The following MEGF11 variants were observed in gnomAD, a reference collection of about 807,000 sequenced individuals.
MEGF11 encodes the protein multiple epidermal growth factor-like domains protein 11.
MEGF11 carries 126 observed loss-of-function variants against 146.6 expected under a neutral mutation model. The ratio of observed to expected loss-of-function variants is 0.86; its 90% CI spans 0.74 to 1.00. The LOEUF (loss-of-function observed/expected upper bound fraction) is 1.00. Ranked by LOEUF, MEGF11 falls within the 50% of genes least tolerant of loss-of-function variation. The pLI is 0.00. For synonymous variants in MEGF11, 532 were observed against 583.4 expected (o/e 0.91, Z 1.27); for missense variants, 1,509 against 1,521.2 (o/e 0.99, Z 0.13).
chr15:66,116,583 GT>G (rs1567249003), intron 4 of MEGF11, among the ~76,000 whole-genome samples: 1 of 152,160 alleles, frequency 6.6e-6, no homozygotes, highest in Non-Finnish European at 1.5e-5. Context: ...ATGTGGTAAC[GT>G]TACCATGCAA....
chr15:66,034,243 C>T (rs1365907624), intron 5 of MEGF11, among the ~76,000 whole-genome samples: 1 of 152,284 alleles, frequency 6.6e-6, no homozygotes, highest in Admixed American at 6.5e-5. Context: ...ATGAAATGTG[C>T]CTTGAGTCTC....
intron 10 of MEGF11, among the ~76,000 whole-genome samples, chr15:65,933,955 T>TA (rs745329222): frequency 1.3e-5 from 2 of 152,230 alleles, no homozygotes; most frequent in Non-Finnish European, 2.9e-5. Flanking sequence ...CTATACAAGC[T>TA]ATTAGTGCAA....
At chr15:66,035,788 C>A (rs974503531) in intron 5 of MEGF11, among the ~76,000 whole-genome samples, 1 of 152,254 alleles carries the variant, frequency 6.6e-6, no homozygotes, top group African/African-American at 2.4e-5. Flanking sequence ...TAACCAGCAT[C>A]CTGGATGTGA....
At chr15:66,079,661 C>G (rs1597061273) in intron 5 of MEGF11, among the ~76,000 whole-genome samples, 1 of 152,050 alleles carries the variant, frequency 6.6e-6, no homozygotes, top group Non-Finnish European at 1.5e-5. Context: ...AGGTTGGCCA[C>G]TCTCAGATTC....
At chr15:66,138,075 T>C (rs1297765788) in intron 1 of MEGF11, among the ~76,000 whole-genome samples, 1 of 152,156 alleles carries the variant, frequency 6.6e-6, no homozygotes, top group Non-Finnish European at 1.5e-5. Flanking sequence ...AAAATTTTTT[T>C]AACCACAATA....
At chr15:66,232,690 T>G (rs1442289649) in intron 1 of MEGF11, among the ~76,000 whole-genome samples, 1 of 152,080 alleles carries the variant, frequency 6.6e-6, no homozygotes, top group Non-Finnish European at 1.5e-5. Flanking sequence ...ACCTCCAGTC[T>G]CTGATTAGGG....
chr15:65,994,969 C>T (rs1045880746), intron 5 of MEGF11, among the ~76,000 whole-genome samples: 5 of 152,188 alleles, frequency 3.3e-5, no homozygotes, highest in Admixed American at 3.3e-4. Context: ...AGCTAGAGGT[C>T]ACATGAGATG....
intron 1 of MEGF11, among the ~76,000 whole-genome samples, chr15:66,218,888 G>T (rs888811302): frequency 6.9e-6 from 1 of 145,064 alleles, no homozygotes; most frequent in African/African-American, 2.6e-5. Context: ...TGAAGTGCCT[G>T]TTTACCACAC....
At chr15:66,066,031 C>T (rs1414595183) in intron 5 of MEGF11, among the ~76,000 whole-genome samples, 5 of 152,188 alleles carry the variant, frequency 3.3e-5, no homozygotes, top group Admixed American at 6.5e-5. Context: ...TCATCCATCT[C>T]CCAGTTCATA....
chr15:65,956,633 G>A (rs1040739780), intron 10 of MEGF11, among the ~76,000 whole-genome samples: 5 of 152,210 alleles, frequency 3.3e-5, no homozygotes, highest in Non-Finnish European at 7.3e-5. Flanking sequence ...ACCCCTGAGT[G>A]TTTGGCTCCT....
intron 1 of MEGF11, among the ~76,000 whole-genome samples, chr15:66,213,316 G>C (rs1157757825): frequency 6.6e-6 from 1 of 152,140 alleles, no homozygotes; most frequent in African/African-American, 2.4e-5. Context: ...AGGGGAAGCA[G>C]TGTGTCCCCG....
chr15:66,230,589 A>G (rs1178758187), intron 1 of MEGF11, among the ~76,000 whole-genome samples: 4 of 152,238 alleles, frequency 2.6e-5, no homozygotes, highest in Non-Finnish European at 1.5e-5. Context: ...GATGTCTTAC[A>G]TTTCTATAGC....
intron 5 of MEGF11, among the ~76,000 whole-genome samples, chr15:66,003,567 C>T (rs2082428667): frequency 6.6e-6 from 1 of 152,146 alleles, no homozygotes; most frequent in South Asian, 2.1e-4. Flanking sequence ...GTGGTGGCCA[C>T]AGACTGTTGT....
At chr15:66,119,613 C>T (rs1171402244) in intron 3 of MEGF11, among the ~76,000 whole-genome samples, 4 of 151,842 alleles carry the variant, frequency 2.6e-5, no homozygotes, top group Non-Finnish European at 5.9e-5. Context: ...CCAGACTGCT[C>T]ACAGCCCCCT....
At chr15:66,187,980 C>A (rs2090756997) in intron 1 of MEGF11, among the ~76,000 whole-genome samples, 1 of 152,172 alleles carries the variant, frequency 6.6e-6, no homozygotes, top group Non-Finnish European at 1.5e-5. Context: ...TTCAAGTATA[C>A]ACGCATGCAC....
intron 4 of MEGF11, among the ~76,000 whole-genome samples, chr15:66,113,894 A>G (rs2087580650): frequency 6.7e-6 from 1 of 150,190 alleles, no homozygotes; most frequent in African/African-American, 2.5e-5. Flanking sequence ...AAAAAAAAAG[A>G]AAAAGAAACC....
chr15:66,231,625 C>T (rs1364707805), intron 1 of MEGF11, among the ~76,000 whole-genome samples: 6 of 152,190 alleles, frequency 3.9e-5, no homozygotes, highest in Non-Finnish European at 1.5e-5. Context: ...AAACTCCCGC[C>T]CCTCCCTTGC....
At chr15:66,219,980 A>G (rs2091691034) in intron 1 of MEGF11, among the ~76,000 whole-genome samples, 1 of 152,198 alleles carries the variant, frequency 6.6e-6, no homozygotes, top group Non-Finnish European at 1.5e-5. Flanking sequence ...ATTTGGAAAT[A>G]GGGTCTTTGC....
At position 66,008,409 on chromosome 15, in the gene MEGF11, GCGCACA is replaced by G. The variant is rs1396304037; in HGVS notation, c.395-25927_395-25922del. ...ATGAAACACACATGCACACGCGCGC[GCGCACA>G]CACACACACACACACACACACACAC... On this transcript the variant is annotated intron_variant, in intron 5 of 25. Transcript: ENST00000395614. Among the ~76,000 whole-genome samples, 218 of 46,574 alleles carry G rather than the reference GCGCACA, an allele frequency of 4.7e-3. 3 individuals carry two copies. Among genetic ancestry groups the G allele is most frequent in the Middle Eastern group, 0.015 (1 of 66 alleles). 30.6% of individuals were successfully genotyped at this position (46,574 alleles called of 152,430 possible). A position where few individuals can be genotyped will look rare whatever the true frequency, so the allele number is the denominator to read the frequency against.
Sources: gnomAD v4.1 joint callset for allele counts (sites outside exome capture counted in the v4.1 genomes callset) on GRCh38, gnomAD v4.1.1 for gene constraint, MANE v1.5 for transcripts, NCBI Gene and HGNC (gene_info 2026-07-23, HGNC 2026-07-21) for gene names.